The following IGSF10 variants were observed in gnomAD, a reference collection of about 807,000 sequenced individuals.
The protein encoded by IGSF10 is immunoglobulin superfamily member 10.
IGSF10 carries 126 observed loss-of-function variants against 128.2 expected under a neutral mutation model. The observed-to-expected ratio is 0.98, with a 90% CI of 0.85 to 1.14. The LOEUF is 1.14. IGSF10 is among the 50% of genes most tolerant of loss of function. The pLI, the probability that IGSF10 is intolerant of heterozygous loss-of-function variation, is 0.00. For missense variants in IGSF10, 3,295 were observed against 3,149.8 expected (o/e 1.05, Z -1.10); for synonymous variants, 1,185 against 1,146.2 (o/e 1.03, Z -0.68).
At chr3:151,612,138 T>A in the IGSF10 span, among the ~76,000 whole-genome samples, 1 of 152,234 alleles carries the variant, frequency 6.6e-6, no homozygotes, top group Non-Finnish European at 1.5e-5. Flanking sequence ...GCAGTTTCTT[T>A]TCTTTTGCTC....
chr3:151,436,142 C>T (rs1047639917), downstream of IGSF10: 16 of 152,144 alleles, frequency 1.1e-4, no homozygotes, highest in African/African-American at 3.9e-4. Context: ...TTTTTGTATT[C>T]CCCATCAATG....
chr3:151,529,371 TCTC>T, the IGSF10 span, among the ~76,000 whole-genome samples: 1 of 152,156 alleles, frequency 6.6e-6, no homozygotes, highest in Non-Finnish European at 1.5e-5. Flanking sequence ...GGTCAGACTG[TCTC>T]CTCAAGTGGG....
chr3:151,501,297 C>A, the IGSF10 span, among the ~76,000 whole-genome samples: 2 of 152,032 alleles, frequency 1.3e-5, no homozygotes, highest in African/African-American at 4.8e-5. Flanking sequence ...CCCATTCATT[C>A]AAGAGCTGGA....
chr3:151,460,847 C>A (rs1722018401), intron 1 of IGSF10, 99 bp downstream of exon 1: 1 of 884,238 alleles, frequency 1.1e-6, no homozygotes, highest in Admixed American at 6.2e-5. Flanking sequence ...GCCCCAGCGC[C>A]CGCTTCTGCA....
the IGSF10 span, among the ~76,000 whole-genome samples, chr3:151,608,884 T>A: frequency 1.3e-5 from 2 of 152,228 alleles, no homozygotes; most frequent in Non-Finnish European, 2.9e-5. Flanking sequence ...TTTCTTTAGA[T>A]CACTGATTCA....
At chr3:151,463,759 G>C (rs1577681363), upstream of IGSF10, among the ~76,000 whole-genome samples, 1 of 151,994 alleles carries the variant, frequency 6.6e-6, no homozygotes, top group African/African-American at 2.4e-5. Context: ...GCCAAGGCGG[G>C]AGGATCACCT....
chr3:151,587,190 G>A, the IGSF10 span, among the ~76,000 whole-genome samples: 1 of 152,156 alleles, frequency 6.6e-6, no homozygotes, highest in Non-Finnish European at 1.5e-5. Flanking sequence ...GTTCTTAGAA[G>A]ATGAGTGAAG....
chr3:151,436,445 T>G lies in IGSF10; in HGVS notation c.*244A>C. 1 of 373,408 alleles carries G rather than the reference T, an allele frequency of 2.7e-6. No homozygotes were observed. Among genetic ancestry groups the G allele is most frequent in the Non-Finnish European group, 4.8e-6 (1 of 208,480 alleles). 23.1% of individuals were successfully genotyped at this position (373,408 alleles called of 1,614,324 possible). On this transcript the variant is annotated 3_prime_UTR_variant, in exon 8 of 8. Transcript: ENST00000282466. ...TATAGTGAACCGTTTCAATGTTTGT[T>G]TATTGTTATTTGTTGGCAAAATAAA...
the IGSF10 span, among the ~76,000 whole-genome samples, chr3:151,561,783 A>G: frequency 1.8e-3 from 277 of 152,290 alleles, 2 homozygotes; most frequent in African/African-American, 6.2e-3. Context: ...AAGCAGAACC[A>G]AAGTATGTGG....
the IGSF10 span, among the ~76,000 whole-genome samples, chr3:151,592,221 TACACACACACAC>T: frequency 1.9e-4 from 29 of 150,338 alleles, no homozygotes; most frequent in African/African-American, 6.6e-4. Context: ...TTGAGATTAA[TACACACACACAC>T]ACACACACAC....
At position 151,453,585 on chromosome 3, in the gene IGSF10, T is replaced by C; in HGVS notation, c.514A>G (p.Thr172Ala). The C allele has an allele frequency of 6.2e-7, 1 of 1,613,834 alleles. No individual in the cohort carries two copies. The highest frequency in any genetic ancestry group is 1.3e-5 in the African/African-American group (1 of 75,022). Residue 172 changes from threonine to alanine, a missense_variant, in exon 5 of 8, where the codon ACA (threonine) becomes GCA (alanine). Physicochemically the swap from Thr to Ala is moderately conservative, Grantham distance 58 (BLOSUM62 0). Transcript: ENST00000282466. ...GNQLTKLHPDTFVSLSYLQIF... is the reference protein window; with the variant it reads ...GNQLTKLHPDAFVSLSYLQIF... ...TGGAGGTAGCTCAAAGAGACAAATG[T>C]ATCTGGGTGGAGCTTAGTGAGCTGA...
chr3:151,468,262 CA>C, the IGSF10 span, among the ~76,000 whole-genome samples: 15 of 152,244 alleles, frequency 9.9e-5, no homozygotes, highest in African/African-American at 3.4e-4. Flanking sequence ...AGAAAAAGCT[CA>C]AAAAGCTAAC....
At chr3:151,517,279 A>G in the IGSF10 span, among the ~76,000 whole-genome samples, 5 of 152,002 alleles carry the variant, frequency 3.3e-5, no homozygotes, top group South Asian at 8.3e-4. Context: ...ATCAGATATT[A>G]TAGAGATTTA....
At chr3:151,532,718 A>G in the IGSF10 span, among the ~76,000 whole-genome samples, 4 of 152,218 alleles carry the variant, frequency 2.6e-5, no homozygotes, top group African/African-American at 9.6e-5. Flanking sequence ...AGCCAATATC[A>G]TACTGAATGG....
the IGSF10 span, among the ~76,000 whole-genome samples, chr3:151,589,284 CT>C: frequency 6.6e-6 from 1 of 152,246 alleles, no homozygotes; most frequent in South Asian, 2.1e-4. Context: ...CAAATGGAAA[CT>C]GTTGGGAGAA....
the IGSF10 span, among the ~76,000 whole-genome samples, chr3:151,492,109 A>G: frequency 1.3e-5 from 2 of 152,204 alleles, no homozygotes; most frequent in African/African-American, 4.8e-5. Context: ...AATCACATAT[A>G]TGATAAAGAG....
chr3:151,507,045 G>T, the IGSF10 span, among the ~76,000 whole-genome samples: 461 of 152,306 alleles, frequency 3.0e-3, 1 homozygote, highest in Non-Finnish European at 5.1e-3. Context: ...CTTTGGTTTA[G>T]AGTCTCTAGA....
At chr3:151,511,063 T>C in the IGSF10 span, among the ~76,000 whole-genome samples, 2 of 152,120 alleles carry the variant, frequency 1.3e-5, no homozygotes, top group Non-Finnish European at 2.9e-5. Context: ...CAGGAGAACT[T>C]CCCCAATCTA....
the IGSF10 span, among the ~76,000 whole-genome samples, chr3:151,547,427 TATACACACAC>T: frequency 2.8e-5 from 4 of 140,674 alleles, no homozygotes; most frequent in African/African-American, 5.5e-5. Flanking sequence ...TAAATATATA[TATACACACAC>T]ACACACACAC....
Sources: gnomAD v4.1 joint callset for allele counts (sites outside exome capture counted in the v4.1 genomes callset) on GRCh38, gnomAD v4.1.1 for gene constraint, MANE v1.5 for transcripts, NCBI Gene and HGNC (gene_info 2026-07-23, HGNC 2026-07-21) for gene names.